CHST11: variants seen among roughly 807,000 people sequenced by gnomAD.
The protein encoded by CHST11 is carbohydrate sulfotransferase 11.
CHST11 carries 9 observed loss-of-function variants against 30.4 expected under a neutral mutation model. That is an observed-to-expected ratio of 0.30 (90% confidence interval 0.18 to 0.52). CHST11 has a LOEUF of 0.52. Among genes scored for constraint, CHST11 ranks in the 20% least tolerant of loss-of-function variants. The probability of loss-of-function intolerance (pLI) is 0.97; values close to 1 mark genes in which losing one functional copy is unlikely to be tolerated. For synonymous variants in CHST11, 152 were observed against 187.8 expected (o/e 0.81, Z 1.56); for missense variants, 348 against 460.6 (o/e 0.76, Z 2.24).
chr12:104,685,434 T>C (rs1317647528), intron 2 of CHST11, among the ~76,000 whole-genome samples: 1 of 152,252 alleles, frequency 6.6e-6, no homozygotes, highest in Non-Finnish European at 1.5e-5. Flanking sequence ...AGTTATACCA[T>C]GATTTATACC....
At chr12:104,496,410 C>G (rs145417781) in intron 1 of CHST11, among the ~76,000 whole-genome samples, 344 of 152,310 alleles carry the variant, frequency 2.3e-3, no homozygotes, top group Middle Eastern at 0.017. Context: ...GGGCCAGAGG[C>G]CTTTAGGCAC....
chr12:104,623,517 C>A (rs1339553075), intron 2 of CHST11, among the ~76,000 whole-genome samples: 1 of 152,146 alleles, frequency 6.6e-6, no homozygotes, highest in Non-Finnish European at 1.5e-5. Context: ...TCGAGACTAG[C>A]CTGACCAACA....
At chr12:104,578,504 A>G (rs1592773654) in intron 1 of CHST11, among the ~76,000 whole-genome samples, 3 of 152,028 alleles carry the variant, frequency 2.0e-5, no homozygotes, top group Admixed American at 6.6e-5. Flanking sequence ...CATTTTCAGA[A>G]CCCCCTGCCT....
chr12:104,579,496 A>G (rs2038718150), intron 1 of CHST11, among the ~76,000 whole-genome samples: 1 of 152,202 alleles, frequency 6.6e-6, no homozygotes, highest in African/African-American at 2.4e-5. Flanking sequence ...ACTGAAGATG[A>G]GTGTGGAGCA....
chr12:104,569,151 T>C (rs1252009625), intron 1 of CHST11, among the ~76,000 whole-genome samples: 1 of 152,110 alleles, frequency 6.6e-6, no homozygotes, highest in African/African-American at 2.4e-5. Context: ...TGGAACCCAA[T>C]TGTCTGGCTC....
intron 1 of CHST11, among the ~76,000 whole-genome samples, chr12:104,491,021 CTT>C (rs34815132): frequency 2.7e-4 from 40 of 146,928 alleles, no homozygotes; most frequent in African/African-American, 2.0e-4. Flanking sequence ...AGGTCTCTGG[CTT>C]TTTTTTTTTT....
At chr12:104,717,234 A>T (rs139857652) in intron 2 of CHST11, among the ~76,000 whole-genome samples, 25 of 152,346 alleles carry the variant, frequency 1.6e-4, no homozygotes, top group African/African-American at 5.5e-4. Flanking sequence ...TCTTGGATGC[A>T]GGAAGAGCGG....
At chr12:104,464,004 G>A (rs1306230574) in intron 1 of CHST11, among the ~76,000 whole-genome samples, 1 of 152,114 alleles carries the variant, frequency 6.6e-6, no homozygotes, top group East Asian at 1.9e-4. Flanking sequence ...TCTTGGGGCA[G>A]GGAGGCAAGG....
At chr12:104,698,657 T>C (rs1422026150) in intron 2 of CHST11, among the ~76,000 whole-genome samples, 1 of 152,220 alleles carries the variant, frequency 6.6e-6, no homozygotes, top group African/African-American at 2.4e-5. Context: ...GCATAGGCAG[T>C]GCTACCACTC....
Position 104,701,162 on chromosome 12 carries a change from A to G in CHST11, c.205-55787A>G, listed in dbSNP as rs1199807650. 4.6e-5 allele frequency among the ~76,000 whole-genome samples: 7 copies of G among 152,250 alleles called. No homozygotes were observed. The East Asian group carries it at 9.6e-4, about 21-fold the overall frequency. ...CCTCCATCTGACACAGATGAGGCTCAGAGGGGTTGAGTAACCGGGCCAAAG... is the reference window on the plus strand; with the variant it reads ...CCTCCATCTGACACAGATGAGGCTCGGAGGGGTTGAGTAACCGGGCCAAAG... On this transcript the variant is annotated intron_variant, in intron 2 of 2. Transcript: ENST00000303694.
chr12:104,718,884 G>A (rs1354468718), intron 2 of CHST11, among the ~76,000 whole-genome samples: 1 of 152,244 alleles, frequency 6.6e-6, no homozygotes, highest in Admixed American at 6.5e-5. Context: ...CAAGACAAGG[G>A]AGGTTCTTGA....
chr12:104,540,414 T>G (rs2038275555), intron 1 of CHST11, among the ~76,000 whole-genome samples: 1 of 152,254 alleles, frequency 6.6e-6, no homozygotes, highest in Admixed American at 6.5e-5. Context: ...CTAGACTTGT[T>G]AATCTTATCT....
At chr12:104,573,047 A>G (rs2038644842) in intron 1 of CHST11, among the ~76,000 whole-genome samples, 1 of 152,242 alleles carries the variant, frequency 6.6e-6, no homozygotes, top group Non-Finnish European at 1.5e-5. Context: ...TGCAAAAATC[A>G]CAAGCATTCT....
At chr12:104,507,716 C>T (rs931307772) in intron 1 of CHST11, among the ~76,000 whole-genome samples, 5 of 152,212 alleles carry the variant, frequency 3.3e-5, no homozygotes, top group Non-Finnish European at 7.3e-5. Flanking sequence ...TTTGTCTCAG[C>T]TTCCTGTATC....
chr12:104,604,680 T>G (rs1163441314), intron 2 of CHST11, among the ~76,000 whole-genome samples: 1 of 152,208 alleles, frequency 6.6e-6, no homozygotes, highest in Non-Finnish European at 1.5e-5. Flanking sequence ...GAGCCCGGAA[T>G]GATGTTATCA....
chr12:104,755,869 G>A (rs777872802), intron 2 of CHST11, among the ~76,000 whole-genome samples: 47 of 151,952 alleles, frequency 3.1e-4, no homozygotes, highest in Middle Eastern at 3.2e-3. Flanking sequence ...CCTAAGGAAC[G>A]CTTGCGGCAA....
At chr12:104,661,715 T>C (rs1309044391) in intron 2 of CHST11, among the ~76,000 whole-genome samples, 1 of 152,208 alleles carries the variant, frequency 6.6e-6, no homozygotes, top group East Asian at 1.9e-4. Context: ...TACACAGCAG[T>C]AGTGGTGAAG....
chr12:104,656,080 C>G (rs2039541319), intron 2 of CHST11, among the ~76,000 whole-genome samples: 1 of 152,180 alleles, frequency 6.6e-6, no homozygotes, highest in South Asian at 2.1e-4. Flanking sequence ...GCAAGACTTT[C>G]GAACAAACCG....
chr12:104,627,497 T>G (rs11615042), intron 2 of CHST11, among the ~76,000 whole-genome samples: 25,382 of 152,112 alleles, frequency 0.17, 2,652 homozygotes, highest in Admixed American at 0.24. Flanking sequence ...CAGCGCATAC[T>G]CTCCCCAGAG....
Sources: gnomAD v4.1 joint callset for allele counts (sites outside exome capture counted in the v4.1 genomes callset) on GRCh38, gnomAD v4.1.1 for gene constraint, MANE v1.5 for transcripts, NCBI Gene and HGNC (gene_info 2026-07-23, HGNC 2026-07-21) for gene names.